The following SIRT4 variants were observed in gnomAD, a reference collection of about 807,000 sequenced individuals.
SIRT4 encodes the protein sirtuin 4, also known as NAD-dependent protein lipoamidase sirtuin-4, mitochondrial.
A neutral mutation model predicts 26.1 loss-of-function variants in SIRT4; 23 were observed. That is an observed-to-expected ratio of 0.88 (90% CI 0.63 to 1.25). The LOEUF (loss-of-function observed/expected upper bound fraction) is 1.25. Ranked by LOEUF, SIRT4 falls within the 50% of genes most tolerant of loss-of-function variation. The pLI is 0.00. For synonymous variants in SIRT4, 155 were observed against 158.4 expected (o/e 0.98, Z 0.16); for missense variants, 361 against 405.4 (o/e 0.89, Z 0.94).
chr12:120,298,908 A>AAAAAAAAT (rs1555327994), upstream of SIRT4, among the ~76,000 whole-genome samples: 10 of 127,536 alleles, frequency 7.8e-5, no homozygotes, highest in South Asian at 2.7e-4. Context: ...TCCGTCTCAA[A>AAAAAAAAT]AAATAAATAA....
In SIRT4 at chr12:120,313,162, A is replaced by G; in HGVS notation, c.*126A>G. ...ACAGAGTAGGGTGCACTGACAAAGT[A>G]TAGAAGGTTCTAGGTATCTTAATGT... On this transcript the variant is annotated 3_prime_UTR_variant, in exon 4 of 4. Transcript: ENST00000202967. 9.5e-7 allele frequency: 1 copy of G among 1,048,506 alleles called. No homozygotes were observed. The highest frequency in any genetic ancestry group is 1.4e-6 in the Non-Finnish European group (1 of 707,260). 65.0% of individuals were successfully genotyped at this position (1,048,506 alleles called of 1,614,324 possible).
At chr12:120,304,672 G>A (rs1417671856) in intron 2 of SIRT4, among the ~76,000 whole-genome samples, 1 of 151,064 alleles carries the variant, frequency 6.6e-6, no homozygotes, top group Non-Finnish European at 1.5e-5. Flanking sequence ...GTTGAGGATG[G>A]TGCACAGTGG....
At chr12:120,306,429 T>C (rs1467983168) in intron 2 of SIRT4, among the ~76,000 whole-genome samples, 2 of 151,432 alleles carry the variant, frequency 1.3e-5, no homozygotes, top group Non-Finnish European at 1.5e-5. Flanking sequence ...GAGCCGAGAT[T>C]GTGCCATTGT....
chr12:120,304,835 AT>A (rs1169655844), intron 2 of SIRT4, among the ~76,000 whole-genome samples: 130 of 24,572 alleles, frequency 5.3e-3, no homozygotes, highest in African/African-American at 0.016. Context: ...ATATATATAT[AT>A]TTTTTTTTTT....
chr12:120,312,471 T>C lies in SIRT4; in HGVS notation c.513T>C (p.Asp171=), dbSNP rs984498246. The C allele has an allele frequency of 5.6e-6, 9 of 1,612,294 alleles. No individual in the cohort carries two copies. The highest frequency in any genetic ancestry group is 4.4e-5 in the South Asian group (4 of 91,010). The change falls in exon 3 of 4, where the codon GAT becomes GAC. Residue 171 remains aspartate, a synonymous_variant. Transcript: ENST00000202967. ...TTGGTTCCAGGGTCCTGTGCTTGGA[T>C]TGTGGGGAACAGACTCCCCGGGGGG... ...HGCMDRVLCL[D]CGEQTPRGVL...
the SIRT4 span, among the ~76,000 whole-genome samples, chr12:120,297,179 C>T: frequency 3.3e-5 from 5 of 151,854 alleles, no homozygotes; most frequent in African/African-American, 4.8e-5. Flanking sequence ...GCCTAGATTG[C>T]GCCACTGCAC....
At chr12:120,300,253 C>T (rs147440964), upstream of SIRT4, among the ~76,000 whole-genome samples, 1,187 of 151,560 alleles carry the variant, frequency 7.8e-3, 12 homozygotes, top group African/African-American at 0.027. Flanking sequence ...GATGTCACAA[C>T]TGCACTCCAG....
chr12:120,302,712 T>C (rs1279343909), intron 1 of SIRT4, among the ~76,000 whole-genome samples: 1 of 151,566 alleles, frequency 6.6e-6, no homozygotes, highest in Non-Finnish European at 1.5e-5. Flanking sequence ...TCAAAGTTTT[T>C]TCTTTTTCTT....
chr12:120,312,292 T>A (rs1873009184), intron 2 of SIRT4, among the ~76,000 whole-genome samples, 164 bp from the exon 3 acceptor site: 1 of 151,248 alleles, frequency 6.6e-6, no homozygotes, highest in Non-Finnish European at 1.5e-5. Context: ...TCTCCAAAAA[T>A]AAAAAAAATA....
chr12:120,310,382 C>T (rs1421573632), intron 2 of SIRT4, among the ~76,000 whole-genome samples: 1 of 151,926 alleles, frequency 6.6e-6, no homozygotes, highest in Non-Finnish European at 1.5e-5. Context: ...CAAAGACAAG[C>T]CAAAAAAATT....
Position 120,303,933 on chromosome 12 carries a change from A to C in SIRT4, c.372A>C (p.Ala124=). Residue 124 remains alanine, a synonymous_variant, in exon 2 of 4, where the codon GCA becomes GCC. Transcript: ENST00000202967. ...TCTCCTCCCACCAGCCTAACCCTGC[A>C]CACTGGGCTTTGAGCACCTGGGAGA... The part of the protein sequence containing the change: ...PQFSSHQPNP[A]HWALSTWEKL... The C allele has an allele frequency of 8.1e-6, 13 of 1,614,168 alleles. No homozygotes were observed. The highest frequency in any genetic ancestry group is 1.1e-5 in the Non-Finnish European group (13 of 1,180,030).
chr12:120,305,162 G>A (rs1173686314), intron 2 of SIRT4, among the ~76,000 whole-genome samples: 6 of 149,390 alleles, frequency 4.0e-5, no homozygotes, highest in East Asian at 2.0e-4. Context: ...GCAAAACTCC[G>A]TCTCAAAAAG....
chr12:120,311,522 G>A (rs375144323), intron 2 of SIRT4, among the ~76,000 whole-genome samples: 10 of 148,868 alleles, frequency 6.7e-5, no homozygotes, highest in East Asian at 4.1e-4. Flanking sequence ...ACCTGAGGTC[G>A]GGAGTTTGAG....
the SIRT4 span, chr12:120,291,868 A>G: frequency 6.6e-6 from 1 of 152,078 alleles, no homozygotes; most frequent in Non-Finnish European, 1.5e-5. Context: ...CCTCGGATAA[A>G]CCTCATTGGC....
At chr12:120,294,194 A>AAAC in the SIRT4 span, among the ~76,000 whole-genome samples, 7 of 151,526 alleles carry the variant, frequency 4.6e-5, no homozygotes, top group Admixed American at 2.6e-4. Context: ...GGATTTCACC[A>AAAC]TGTTGGCCAG....
chr12:120,308,265 G>A (rs1456723434), intron 2 of SIRT4, among the ~76,000 whole-genome samples: 2 of 150,878 alleles, frequency 1.3e-5, no homozygotes, highest in African/African-American at 2.4e-5. Context: ...CGCCTCCTGG[G>A]TTCAAGTGAT....
At chr12:120,303,485 A>G in intron 1 of SIRT4, 76 bp from the exon 2 acceptor site, 1 of 1,496,018 alleles carries the variant, frequency 6.7e-7, no homozygotes, top group Non-Finnish European at 8.9e-7. Flanking sequence ...AAAAAACAAA[A>G]CGAAAACAAA....
intron 2 of SIRT4, among the ~76,000 whole-genome samples, chr12:120,304,835 ATT>A (rs1169655844): frequency 0.029 from 683 of 23,534 alleles, 2 homozygotes; most frequent in Non-Finnish European, 0.04. Flanking sequence ...ATATATATAT[ATT>A]TTTTTTTTTT....
At chr12:120,300,913 G>A (rs1872517598), upstream of SIRT4, among the ~76,000 whole-genome samples, 1 of 152,176 alleles carries the variant, frequency 6.6e-6, no homozygotes, top group Non-Finnish European at 1.5e-5. Flanking sequence ...GAAATTTGTA[G>A]ATCAGAATCC....
Sources: gnomAD v4.1 joint callset for allele counts (sites outside exome capture counted in the v4.1 genomes callset) on GRCh38, gnomAD v4.1.1 for gene constraint, MANE v1.5 for transcripts, NCBI Gene and HGNC (gene_info 2026-07-23, HGNC 2026-07-21) for gene names.